Variants in TRHDE observed in about 807,000 individuals in gnomAD.
TRHDE encodes thyrotropin releasing hormone degrading enzyme, also known as thyrotropin-releasing hormone-degrading ectoenzyme.
In TRHDE, 72 loss-of-function variants were observed where a neutral mutation model predicts 125.7. The ratio of observed to expected loss-of-function variants is 0.57; its 90% CI spans 0.47 to 0.70. The LOEUF is 0.70. TRHDE is among the 30% of genes least tolerant of loss of function. The pLI, the probability that TRHDE is intolerant of heterozygous loss-of-function variation, is 0.00. For synonymous variants in TRHDE, 509 were observed against 509.1 expected (o/e 1.00, Z 0.00); for missense variants, 1,110 against 1,327.1 (o/e 0.84, Z 2.54).
intron 3 of TRHDE, among the ~76,000 whole-genome samples, chr12:72,446,888 G>A (rs1332645464): frequency 1.3e-5 from 2 of 152,042 alleles, no homozygotes; most frequent in Non-Finnish European, 2.9e-5. Context: ...GACCTACAAA[G>A]AGACTTAGAC....
At chr12:72,486,535 C>A (rs1434262167) in intron 5 of TRHDE, among the ~76,000 whole-genome samples, 4 of 152,118 alleles carry the variant, frequency 2.6e-5, no homozygotes, top group Non-Finnish European at 5.9e-5. Context: ...ACTGAGGTAC[C>A]ACAATTATTG....
chr12:72,215,804 G>A (rs545258845), intron 2 of TRHDE, among the ~76,000 whole-genome samples: 1 of 152,254 alleles, frequency 6.6e-6, no homozygotes, highest in South Asian at 2.1e-4. Flanking sequence ...GGGGTGGTTG[G>A]CGCTCAGAAA....
chr12:72,354,232 A>C (rs1238541674), intron 2 of TRHDE, among the ~76,000 whole-genome samples: 1 of 151,666 alleles, frequency 6.6e-6, no homozygotes, highest in Non-Finnish European at 1.5e-5. Context: ...ATACACACAA[A>C]ATGCAATGTG....
At chr12:72,431,938 G>T in intron 3 of TRHDE, 2 of 199,766 alleles carry the variant, frequency 1.0e-5, no homozygotes, top group East Asian at 1.2e-4. Flanking sequence ...CAAATTTCAC[G>T]GAGTGCCACA....
chr12:72,166,112 G>A lies in TRHDE; in HGVS notation n.279+60360G>A, dbSNP rs530250114. Among the ~76,000 whole-genome samples the A allele has an allele frequency of 1.5e-4, 23 of 152,162 alleles. No individual in the cohort carries two copies. In the South Asian group the frequency reaches 2.3e-3, roughly 15 times the overall value. The stretch of plus-strand genomic sequence containing the variant: ...CCTATTGTTCCTAGGCTACAAACCC[G>A]TACAGTGCAATACTGTACTGAGTAC... On this transcript the variant is annotated intron_variant and non_coding_transcript_variant, in intron 2 of 4. Transcript: ENST00000548156.
At chr12:72,627,126 C>G (rs546267727) in intron 15 of TRHDE, among the ~76,000 whole-genome samples, 8 of 151,956 alleles carry the variant, frequency 5.3e-5, no homozygotes, top group Middle Eastern at 3.4e-3. Context: ...TAGGAATTAG[C>G]TTGTCCTTTG....
intron 2 of TRHDE, among the ~76,000 whole-genome samples, chr12:72,317,284 G>T (rs956793774): frequency 6.6e-6 from 1 of 152,138 alleles, no homozygotes; most frequent in Non-Finnish European, 1.5e-5. Flanking sequence ...TTGTATTCTT[G>T]TGGGGTAGGG....
intron 12 of TRHDE, among the ~76,000 whole-genome samples, chr12:72,598,275 C>T (rs767628676): frequency 1.3e-4 from 20 of 152,246 alleles, no homozygotes; most frequent in Non-Finnish European, 1.9e-4. Context: ...TTCTACATTG[C>T]TTTTTATATT....
intron 2 of TRHDE, among the ~76,000 whole-genome samples, chr12:72,226,751 A>G (rs1878136798): frequency 6.6e-6 from 1 of 152,216 alleles, no homozygotes; most frequent in Non-Finnish European, 1.5e-5. Flanking sequence ...TAAAGTATTT[A>G]GAAGTACTCT....
intron 1 of TRHDE, among the ~76,000 whole-genome samples, chr12:72,097,681 C>T (rs1874964624): frequency 6.6e-6 from 1 of 151,954 alleles, no homozygotes; most frequent in African/African-American, 2.4e-5. Flanking sequence ...GAACTCTTGG[C>T]CTCAAGCAAT....
intron 2 of TRHDE, among the ~76,000 whole-genome samples, chr12:72,208,197 CTCACACACACAT>C (rs1877707082): frequency 1.3e-5 from 2 of 152,176 alleles, no homozygotes; most frequent in South Asian, 4.1e-4. Flanking sequence ...TATACACACA[CTCACACACACAT>C]TCACACACCC....
chr12:72,648,533 G>A (rs1345366654), intron 15 of TRHDE, among the ~76,000 whole-genome samples: 1 of 152,108 alleles, frequency 6.6e-6, no homozygotes, highest in Non-Finnish European at 1.5e-5. Context: ...GAACTAATAA[G>A]CAAATTCAGT....
At chr12:72,417,332 G>T (rs1030060177) in intron 3 of TRHDE, among the ~76,000 whole-genome samples, 1 of 152,070 alleles carries the variant, frequency 6.6e-6, no homozygotes, top group South Asian at 2.1e-4. Flanking sequence ...AATTGGAATC[G>T]GTAGGAACTA....
At chr12:72,347,501 A>T in intron 2 of TRHDE, among the ~76,000 whole-genome samples, 1 of 152,064 alleles carries the variant, frequency 6.6e-6, no homozygotes, top group East Asian at 1.9e-4. Flanking sequence ...TAGCTAGGTT[A>T]TCTGGCTCTG....
At chr12:72,353,560 A>G (rs1274070226) in intron 2 of TRHDE, among the ~76,000 whole-genome samples, 1 of 151,608 alleles carries the variant, frequency 6.6e-6, no homozygotes. Flanking sequence ...TTTACAAAGG[A>G]GGTAAAAGAT....
At chr12:72,274,778 T>C (rs1412808121) in intron 1 of TRHDE, 1 of 152,190 alleles carries the variant, frequency 6.6e-6, no homozygotes, top group East Asian at 1.9e-4. Context: ...CTTGTAGGAT[T>C]GGTGTAGACG....
chr12:72,157,193 A>T (rs1876534006), intron 2 of TRHDE, among the ~76,000 whole-genome samples: 1 of 151,740 alleles, frequency 6.6e-6, no homozygotes, highest in African/African-American at 2.4e-5. Flanking sequence ...CTGCAACCTT[A>T]AATGATGGTT....
At chr12:72,156,991 A>C (rs1876528495) in intron 2 of TRHDE, among the ~76,000 whole-genome samples, 1 of 152,196 alleles carries the variant, frequency 6.6e-6, no homozygotes, top group African/African-American at 2.4e-5. Context: ...GGGTGATGGA[A>C]GGCCTGTTAA....
At chr12:72,661,401 T>C (rs535742870) in intron 18 of TRHDE, among the ~76,000 whole-genome samples, 56 of 152,270 alleles carry the variant, frequency 3.7e-4, no homozygotes, top group African/African-American at 1.2e-3. Flanking sequence ...AAAAAAGTAA[T>C]AATTCAGAAT....
Sources: allele counts gnomAD v4.1 joint callset (sites outside exome capture counted in the v4.1 genomes callset), GRCh38; gene constraint gnomAD v4.1.1; transcripts MANE v1.5; gene names NCBI Gene and HGNC (gene_info 2026-07-23, HGNC 2026-07-21).